The following TENM4 variants were observed in gnomAD, a reference collection of about 807,000 sequenced individuals.
TENM4 encodes teneurin-4.
In TENM4, 82 loss-of-function variants were observed where a neutral mutation model predicts 243.3. The ratio of observed to expected loss-of-function variants is 0.34; its 90% CI spans 0.28 to 0.40. The LOEUF (loss-of-function observed/expected upper bound fraction) is 0.40, where lower values mean the gene tolerates loss of function less well. Ranked by LOEUF, TENM4 falls within the 10% of genes least tolerant of loss-of-function variation. TENM4 has a pLI of 1.00. For synonymous variants in TENM4, 1,412 were observed against 1,456.3 expected (o/e 0.97, Z 0.69); for missense variants, 3,138 against 3,673.3 (o/e 0.85, Z 3.77).
chr11:79,388,120 C>G (rs1858155393), intron 1 of TENM4, among the ~76,000 whole-genome samples: 1 of 152,182 alleles, frequency 6.6e-6, no homozygotes, highest in African/African-American at 2.4e-5. Context: ...TGGAAGGAGA[C>G]AGTTGCCACC....
chr11:78,937,197 C>A (rs796546150), intron 6 of TENM4, among the ~76,000 whole-genome samples: 12 of 152,198 alleles, frequency 7.9e-5, no homozygotes, highest in African/African-American at 2.9e-4. Context: ...AAGAGAGGGT[C>A]TGGTAGATAC....
intron 6 of TENM4, among the ~76,000 whole-genome samples, chr11:79,004,003 A>AAC (rs1186882289): frequency 5.3e-5 from 8 of 151,924 alleles, no homozygotes; most frequent in Admixed American, 1.3e-4. Context: ...AGAAAAAAAA[A>AAC]AAAACAGACT....
chr11:79,432,431 G>C (rs563398281), intron 1 of TENM4, among the ~76,000 whole-genome samples: 1 of 152,214 alleles, frequency 6.6e-6, no homozygotes, highest in African/African-American at 2.4e-5. Context: ...GGTCAAAGCA[G>C]AGCTGGGTTT....
At chr11:79,156,719 T>A (rs1165593449) in intron 3 of TENM4, among the ~76,000 whole-genome samples, 1 of 152,202 alleles carries the variant, frequency 6.6e-6, no homozygotes, top group Non-Finnish European at 1.5e-5. Context: ...CTCCGATAAA[T>A]GTCTCCTGTG....
chr11:78,755,552 C>G (rs1253413223), intron 19 of TENM4, among the ~76,000 whole-genome samples: 2 of 152,132 alleles, frequency 1.3e-5, no homozygotes, highest in African/African-American at 4.8e-5. Flanking sequence ...AGCCCTAACT[C>G]TAAATGAGCT....
chr11:78,982,361 G>A (rs973971326), intron 6 of TENM4, among the ~76,000 whole-genome samples: 6 of 152,160 alleles, frequency 3.9e-5, no homozygotes, highest in African/African-American at 1.2e-4. Context: ...GGCCTCCTCT[G>A]AAAACCAGTA....
intron 3 of TENM4, among the ~76,000 whole-genome samples, chr11:79,196,343 G>A (rs1185413326): frequency 6.6e-6 from 1 of 151,786 alleles, no homozygotes; most frequent in Non-Finnish European, 1.5e-5. Context: ...GTGTGTCTCT[G>A]AGCCTGTTTC....
At chr11:78,691,194 T>G (rs4944214) in intron 28 of TENM4, among the ~76,000 whole-genome samples, 23,985 of 152,194 alleles carry the variant, frequency 0.16, 2,069 homozygotes, top group Admixed American at 0.2. Flanking sequence ...CTTTGGACTG[T>G]GAGTGCTTGA....
At chr11:79,362,803 T>C (rs1485337561) in intron 1 of TENM4, among the ~76,000 whole-genome samples, 1 of 152,334 alleles carries the variant, frequency 6.6e-6, no homozygotes, top group East Asian at 1.9e-4. Flanking sequence ...CATGGGAGTG[T>C]TGGAGGATTA....
At chr11:79,386,707 A>G (rs902337993) in intron 1 of TENM4, among the ~76,000 whole-genome samples, 1 of 152,168 alleles carries the variant, frequency 6.6e-6, no homozygotes, top group African/African-American at 2.4e-5. Context: ...ACACAACCAT[A>G]CAACCACCAG....
chr11:79,255,324 A>G (rs1372302577), intron 2 of TENM4, among the ~76,000 whole-genome samples: 3 of 152,182 alleles, frequency 2.0e-5, no homozygotes, highest in Admixed American at 2.0e-4. Context: ...ATGCTGACAC[A>G]GTCTTTTCAG....
At chr11:78,703,494 C>G (rs937762460) in intron 27 of TENM4, among the ~76,000 whole-genome samples, 4 of 152,168 alleles carry the variant, frequency 2.6e-5, no homozygotes, top group Admixed American at 2.6e-4. Flanking sequence ...CTCCTCTGAG[C>G]CAGGCTGGGA....
chr11:78,919,896 C>T lies in TENM4; in HGVS notation c.494-16373G>A, dbSNP rs918774758. Among the ~76,000 whole-genome samples the T allele has an allele frequency of 1.4e-4, 21 of 152,212 alleles. No individual in the cohort carries two copies. The East Asian group carries it at 2.7e-3, about 20-fold the overall frequency. ...GAACTCAACTCAGAGGCTGAAACACCGCGTCACTCTTCAGGCAGACCTGAC... is the reference window on the plus strand; with the variant it reads ...GAACTCAACTCAGAGGCTGAAACACTGCGTCACTCTTCAGGCAGACCTGAC... On this transcript the variant is annotated intron_variant, in intron 6 of 33. Transcript: ENST00000278550.
chr11:78,728,124 A>T lies in TENM4; in HGVS notation c.3406+1252T>A, dbSNP rs1402800787. ...TCAAGAGGTTATAAGGCCTCATTTT[A>T]AAAAAGACGACAGAAGTGGCTTGAT... On this transcript the variant is annotated intron_variant, in intron 22 of 33. Transcript: ENST00000278550. Among the ~76,000 whole-genome samples, 5 of 152,332 alleles carry T rather than the reference A, an allele frequency of 3.3e-5. No homozygotes were observed. In the South Asian group the frequency reaches 1.0e-3, roughly 32 times the overall value.
intron 4 of TENM4, among the ~76,000 whole-genome samples, chr11:79,123,914 G>GT (rs1215340441): frequency 6.6e-6 from 1 of 152,200 alleles, no homozygotes; most frequent in African/African-American, 2.4e-5. Flanking sequence ...ACCAAGAGGA[G>GT]TCAGTGTACA....
intron 27 of TENM4, among the ~76,000 whole-genome samples, chr11:78,706,053 C>T (rs1439615858): frequency 2.0e-5 from 3 of 152,168 alleles, no homozygotes; most frequent in Non-Finnish European, 4.4e-5. Flanking sequence ...CAGGGCTCTA[C>T]ATTTATAAAT....
intron 6 of TENM4, among the ~76,000 whole-genome samples, chr11:78,912,305 A>G (rs1406163273): frequency 6.6e-6 from 1 of 152,188 alleles, no homozygotes; most frequent in Non-Finnish European, 1.5e-5. Flanking sequence ...CCCAGGCTGG[A>G]GTGCAGTGGT....
intron 18 of TENM4, among the ~76,000 whole-genome samples, chr11:78,765,838 T>C (rs1230138357): frequency 6.6e-6 from 1 of 152,242 alleles, no homozygotes; most frequent in Non-Finnish European, 1.5e-5. Flanking sequence ...AAATGGCTGC[T>C]GTTTTCCTTT....
chr11:79,340,789 C>T (rs1476614576), intron 1 of TENM4, among the ~76,000 whole-genome samples: 4 of 152,136 alleles, frequency 2.6e-5, no homozygotes, highest in African/African-American at 7.2e-5. Context: ...CTTAGGAAAT[C>T]GTCCCTGCAC....
Sources: gnomAD v4.1 joint callset for allele counts (sites outside exome capture counted in the v4.1 genomes callset) on GRCh38, gnomAD v4.1.1 for gene constraint, MANE v1.5 for transcripts, NCBI Gene and HGNC (gene_info 2026-07-23, HGNC 2026-07-21) for gene names.